The following DAZL variants were observed in gnomAD, a reference collection of about 807,000 sequenced individuals.
DAZL encodes deleted in azoospermia like.
Under a neutral mutation model 45.0 loss-of-function variants are expected in DAZL, and 4 were observed. That is an observed-to-expected ratio of 0.09 (90% CI 0.04 to 0.20). The LOEUF (loss-of-function observed/expected upper bound fraction) is 0.20, where lower values mean the gene tolerates loss of function less well. Among genes scored for constraint, DAZL ranks in the 10% least tolerant of loss-of-function variants. The pLI, the probability that DAZL is intolerant of heterozygous loss-of-function variation, is 1.00. For synonymous variants in DAZL, 122 were observed against 112.4 expected, an observed-to-expected ratio of 1.09 and a Z score of -0.54; for missense variants, 326 against 351.3, an observed-to-expected ratio of 0.93 and a Z score of 0.58.
chr3:16,603,875 A>C (rs1452015570), intron 1 of DAZL, among the ~76,000 whole-genome samples: 1 of 152,194 alleles, frequency 6.6e-6, no homozygotes, highest in Non-Finnish European at 1.5e-5. Flanking sequence ...AAGGTCATAC[A>C]TGTACCAAAA....
intron 1 of DAZL, among the ~76,000 whole-genome samples, chr3:16,599,368 A>G (rs1694648926): frequency 6.6e-6 from 1 of 152,170 alleles, no homozygotes; most frequent in South Asian, 2.1e-4. Flanking sequence ...TTTTAAACCA[A>G]TTTGTCCTGC....
At chr3:16,590,648 A>G (rs1475998240) in intron 10 of DAZL, among the ~76,000 whole-genome samples, 1 of 152,246 alleles carries the variant, frequency 6.6e-6, no homozygotes, top group East Asian at 1.9e-4. Context: ...TTAACAGATG[A>G]ATGGATAAAC....
rs1232619391 is a variant in DAZL at position 16,604,625 on chromosome 3, C to T, written c.3+578G>A. The T allele has an allele frequency of 4.4e-6, 6 of 1,370,988 alleles. No individual in the cohort carries two copies. In the African/African-American group the frequency reaches 7.4e-5, roughly 17 times the overall value. 84.9% of individuals were successfully genotyped at this position (1,370,988 alleles called of 1,614,324 possible). ...CCCACGCTGAGGCCCCCACGAACCC[C>T]GCCCACCCCACCAAGTACAGGGACC... On this transcript the variant is annotated intron_variant, in intron 1 of 10. Transcript: ENST00000399444.
rs746412088 is a variant in DAZL at position 16,592,128 on chromosome 3, T to C, written c.756A>G (p.Ile252Met). The C allele has an allele frequency of 2.5e-6, 4 of 1,613,406 alleles. No individual in the cohort carries two copies. Among genetic ancestry groups the C allele is most frequent in the East Asian group, 4.5e-5 (2 of 44,862 alleles). The change falls in exon 10 of 11, where the codon ATA (isoleucine) becomes ATG (methionine). Residue 252 changes from isoleucine (I) to methionine (M), a missense_variant. Transcript: ENST00000399444. ...GPQKKSVDRS[I>M]QTVVSCLFNP... ...TAAACAGACAAGATACCACCGTTTG[T>C]ATGCTTCGGTCCACAGATTTCTGAA...
In DAZL at chr3:16,588,436, T is replaced by C; in HGVS notation, c.*224A>G. The C allele has an allele frequency of 2.6e-6, 1 of 380,198 alleles. No homozygotes were observed. Among genetic ancestry groups the C allele is most frequent in the Admixed American group, 3.9e-5 (1 of 25,698 alleles). 23.6% of individuals were successfully genotyped at this position (380,198 alleles called of 1,614,324 possible). ...AGATAAATCTTAGTTTCTTTCAGTCTCAATTATTTTTTTACTTTCAACTAT... is the reference window on the plus strand; with the variant it reads ...AGATAAATCTTAGTTTCTTTCAGTCCCAATTATTTTTTTACTTTCAACTAT... On this transcript the variant is annotated 3_prime_UTR_variant, in exon 11 of 11. Transcript: ENST00000399444.
chr3:16,605,402 G>C lies in DAZL; in HGVS notation c.-197C>G, dbSNP rs537655505. On this transcript the variant is annotated 5_prime_UTR_variant, in exon 1 of 11. Transcript: ENST00000399444. ...AGGAGCCCCGAAAGGCGGACCGTCA[G>C]GCTGAGGAGCGCAGGCGGACTGAGG... 47 of 686,858 alleles carry C rather than the reference G, an allele frequency of 6.8e-5. 1 individual carries two copies. The South Asian group carries it at 7.8e-4, about 11-fold the overall frequency. 42.5% of individuals were successfully genotyped at this position (686,858 alleles called of 1,614,324 possible).
intron 7 of DAZL, 87 bp from the exon 8 acceptor site, chr3:16,594,670 TTATC>T (rs1284544162): frequency 1.2e-6 from 1 of 822,958 alleles, no homozygotes; most frequent in African/African-American, 1.8e-5. Context: ...ATTGAAGTAC[TTATC>T]ATGCTGGCTC....
intron 1 of DAZL, among the ~76,000 whole-genome samples, chr3:16,603,051 T>C (rs57014221): frequency 0.14 from 21,288 of 152,166 alleles, 1,922 homozygotes; most frequent in East Asian, 0.46. Context: ...TTCCAGCTAT[T>C]AGGTTGACAA....
intron 6 of DAZL, 90 bp from the exon 7 acceptor site, chr3:16,595,475 C>G: frequency 1.3e-6 from 1 of 758,420 alleles, no homozygotes; most frequent in Non-Finnish European, 2.1e-6. Context: ...AATATGAAAA[C>G]TTTTAAAATA....
At chr3:16,601,439 A>G (rs565277150) in intron 1 of DAZL, among the ~76,000 whole-genome samples, 2 of 152,318 alleles carry the variant, frequency 1.3e-5, no homozygotes, top group African/African-American at 4.8e-5. Context: ...CTCAGCCAGC[A>G]GGTGGCGCTC....
chr3:16,590,678 A>T (rs1694504102), intron 10 of DAZL, among the ~76,000 whole-genome samples: 1 of 152,240 alleles, frequency 6.6e-6, no homozygotes, highest in Admixed American at 6.5e-5. Flanking sequence ...AATAGCCACA[A>T]ATAAAAAGAA....
At chr3:16,590,996 G>C (rs539015281) in intron 10 of DAZL, among the ~76,000 whole-genome samples, 5 of 152,156 alleles carry the variant, frequency 3.3e-5, no homozygotes, top group Non-Finnish European at 7.4e-5. Context: ...ACTTTAAATA[G>C]GTAAATTGTA....
intron 1 of DAZL, among the ~76,000 whole-genome samples, chr3:16,598,802 T>TTA (rs149937594): frequency 2.7e-5 from 4 of 146,340 alleles, no homozygotes; most frequent in African/African-American, 1.0e-4. Context: ...TTTTTTTTTT[T>TTA]GAGAGAGTCT....
chr3:16,599,877 C>T (rs3773829), intron 1 of DAZL, among the ~76,000 whole-genome samples: 24,308 of 152,050 alleles, frequency 0.16, 2,398 homozygotes, highest in East Asian at 0.46. Flanking sequence ...ACTTGCCAGC[C>T]GTGTATCTCT....
chr3:16,596,910 A>C, intron 5 of DAZL, 21 bp from the exon 6 acceptor site: 1 of 1,613,802 alleles, frequency 6.2e-7, no homozygotes, highest in Non-Finnish European at 8.5e-7. Flanking sequence ...AGCAAAAAGA[A>C]AAGGCCTATT....
At chr3:16,594,324 A>C (rs1187786227) in intron 8 of DAZL, among the ~76,000 whole-genome samples, 1 of 152,158 alleles carries the variant, frequency 6.6e-6, no homozygotes, top group African/African-American at 2.4e-5. Context: ...TTGCTTAAGC[A>C]CACAAAAACC....
intron 1 of DAZL, among the ~76,000 whole-genome samples, chr3:16,599,105 C>A (rs923536296): frequency 6.6e-6 from 1 of 151,862 alleles, no homozygotes; most frequent in Non-Finnish European, 1.5e-5. Flanking sequence ...TTTCTTAAAC[C>A]CAGTATTGCT....
chr3:16,596,611 C>T (rs1694603799), intron 6 of DAZL, 139 bp downstream of exon 6: 1 of 933,710 alleles, frequency 1.1e-6, no homozygotes. Flanking sequence ...AAATTTCTAA[C>T]AAAAGTAATA....
At chr3:16,590,001 A>G (rs1308713220) in intron 10 of DAZL, among the ~76,000 whole-genome samples, 2 of 152,100 alleles carry the variant, frequency 1.3e-5, no homozygotes, top group Non-Finnish European at 2.9e-5. Context: ...TTGCGTCAGG[A>G]GTTTGAGGTT....
Sources: gnomAD v4.1 joint callset for allele counts (sites outside exome capture counted in the v4.1 genomes callset) on GRCh38, gnomAD v4.1.1 for gene constraint, MANE v1.5 for transcripts, NCBI Gene and HGNC (gene_info 2026-07-23, HGNC 2026-07-21) for gene names.